The following BCAM variants were observed in gnomAD, a reference collection of about 807,000 sequenced individuals.
The protein encoded by BCAM is basal cell adhesion molecule.
BCAM carries 61 observed loss-of-function variants against 72.4 expected under a neutral mutation model. The ratio of observed to expected loss-of-function variants is 0.84; its 90% CI spans 0.69 to 1.04. The LOEUF is 1.04. Ranked by LOEUF, BCAM falls within the 50% of genes least tolerant of loss-of-function variation. BCAM has a pLI of 0.00. For synonymous variants in BCAM, 408 were observed against 384.2 expected, an observed-to-expected ratio of 1.06 and a Z score of -0.73; for missense variants, 909 against 895.0, an observed-to-expected ratio of 1.02 and a Z score of -0.20.
At position 44,819,368 on chromosome 19, in the gene BCAM, G is replaced by C. The variant is rs772377922; in HGVS notation, c.1496G>C (p.Arg499Pro). The change falls in exon 12 of 15, where the codon CGG (arginine) becomes CCG (proline). Residue 499 changes from arginine to proline, a missense_variant. Arg to Pro is a moderately radical substitution (Grantham distance 103). Coordinates refer to ENST00000270233, the MANE Select transcript of BCAM (RefSeq NM_005581.5). ...TAGCCCGCAGAGCCAATCCCCGGAC[G>C]GCAGGGTTGGGTGAGCAGCTCTCTG... The part of the protein sequence containing the change: ...GGSPAEPIPG[R>P]QGWVSSSLTL... 1 of 1,614,046 alleles carries C rather than the reference G, an allele frequency of 6.2e-7. No homozygotes were observed. Among genetic ancestry groups the C allele is most frequent in the Non-Finnish European group, 8.5e-7 (1 of 1,179,952 alleles).
Position 44,818,676 on chromosome 19 carries a change from AC to A in BCAM, c.1194+42del, listed in dbSNP as rs748757091. 6.2e-7 allele frequency: 1 copy of A among 1,608,990 alleles called. No individual in the cohort carries two copies. Among genetic ancestry groups the A allele is most frequent in the African/African-American group, 1.3e-5 (1 of 74,074 alleles). On this transcript the variant is annotated intron_variant, in intron 9 of 14. Transcript: ENST00000270233. This position sits in a 1 kb window ranked among gnomAD's most constrained non-coding sequence, Gnocchi z 4.6. ...GAGCCCCCTCGGGCCCTGCACTCGC[AC>A]CCTCCTCTCTCCCCTCACTCCTCGC...
chr19:44,819,922 ACTCATCCTCATCCC>A (rs1258494336), intron 13 of BCAM, 196 bp downstream of exon 13: 9 of 324,924 alleles, frequency 2.8e-5, no homozygotes, highest in African/African-American at 4.0e-4. Context: ...GCCATCCCCA[ACTCATCCTCATCCC>A]CAACTGCAGC....
chr19:44,811,078 G>A, intron 1 of BCAM, 147 bp from the exon 2 acceptor site: 1 of 1,186,546 alleles, frequency 8.4e-7, no homozygotes, highest in Non-Finnish European at 1.2e-6. Flanking sequence ...TCCTGGGTCT[G>A]AGGGAGGAGG....
chr19:44,819,511 C>T, intron 12 of BCAM, 21 bp downstream of exon 12: 11 of 1,613,766 alleles, frequency 6.8e-6, no homozygotes, highest in Non-Finnish European at 9.3e-6. Flanking sequence ...GAGGTGGTGG[C>T]AGAGGAGCCG....
At position 44,820,776 on chromosome 19, in the gene BCAM, G is replaced by C. The variant is rs1216844322; in HGVS notation, c.1835G>C (p.Gly612Ala). ...GAGCAGACCGGCCTTCTCATGGGAG[G>C]TGCCTCCGGAGGAGCCAGGGGTGGC... ...QPEQTGLLMG[G>A]ASGGARGGSG... Residue 612 changes from glycine (G) to alanine (A), a missense_variant, in exon 14 of 15, where the codon GGT becomes GCT. Coordinates refer to ENST00000270233, the MANE Select transcript of BCAM (RefSeq NM_005581.5). 8 of 1,505,366 alleles carry C rather than the reference G, an allele frequency of 5.3e-6. No individual in the cohort carries two copies. The highest frequency in any genetic ancestry group is 7.1e-6 in the Non-Finnish European group (8 of 1,122,478). 93.3% of individuals were successfully genotyped at this position (1,505,366 alleles called of 1,614,324 possible). A position where few individuals can be genotyped will look rare whatever the true frequency, so the allele number is the denominator to read the frequency against.
chr19:44,821,069 A>T lies in BCAM; in HGVS notation c.*148A>T. 1 of 855,872 alleles carries T rather than the reference A, an allele frequency of 1.2e-6. No individual in the cohort carries two copies. The highest frequency in any genetic ancestry group is 1.5e-6 in the Non-Finnish European group (1 of 674,320). The allele number at this position is 855,872 out of a possible 1,614,324, so 53.0% of individuals were successfully genotyped here. On this transcript the variant is annotated 3_prime_UTR_variant, in exon 15 of 15. Transcript: ENST00000270233. ...CCCTTCCTTCCTCTGCCGGCAAGGC[A>T]GGGACCCACAGTGGCTGCCTGCCTC...
chr19:44,814,354 T>A lies in BCAM; in HGVS notation c.921+66T>A. 1 of 1,535,806 alleles carries A rather than the reference T, an allele frequency of 6.5e-7. No individual in the cohort carries two copies. The highest frequency in any genetic ancestry group is 8.7e-7 in the Non-Finnish European group (1 of 1,150,548). On this transcript the variant is annotated intron_variant, in intron 7 of 14. Coordinates refer to ENST00000270233, the MANE Select transcript of BCAM (RefSeq NM_005581.5). This position sits in a 1 kb window ranked among gnomAD's most constrained non-coding sequence, Gnocchi z 4.6. ...CCCTGACCTCTGTGACCTGCTAACC[T>A]GCATAACTTCTAATGTGGGACCTGG...
rs376176106 is a variant in BCAM, at chr19:44,819,701, C to T, written c.1738C>T (p.Arg580Cys). ...CVRRKGGPCCRQRREKGAPPP... is the reference protein window; with the variant it reads ...CVRRKGGPCCCQRREKGAPPP... ...GAGACGCAAAGGGGGCCCCTGCTGC[C>T]GCCAGCGGCGGGAGAAGGGGGCTCC... The change falls in exon 13 of 15, where the codon CGC (arginine) becomes TGC (cysteine). Residue 580 changes from arginine (R) to cysteine (C), a missense_variant. Physicochemically the swap from Arg to Cys is radical, Grantham distance 180. Coordinates refer to ENST00000270233, the MANE Select transcript of BCAM (RefSeq NM_005581.5). The T allele has an allele frequency of 1.5e-5, 24 of 1,609,576 alleles. No individual in the cohort carries two copies. The highest frequency in any genetic ancestry group is 1.8e-5 in the Non-Finnish European group (21 of 1,178,004).
chr19:44,812,259 CCATA>C lies in BCAM; in HGVS notation c.303_306del (p.Tyr102SerfsTer25). The C allele has an allele frequency of 1.2e-6, 2 of 1,610,262 alleles. No individual in the cohort carries two copies. Among genetic ancestry groups the C allele is most frequent in the Non-Finnish European group, 1.7e-6 (2 of 1,178,094 alleles). On this transcript the variant is annotated frameshift_variant, in exon 3 of 15. Coordinates refer to ENST00000270233, the MANE Select transcript of BCAM (RefSeq NM_005581.5). LOFTEE classifies it high-confidence loss of function. The surrounding 1 kb of genome is among the most constrained non-coding windows in gnomAD (Gnocchi z 5.3). ...GCACGACACCCGGGGCCGCAGTCCC[CCATA>C]CCAGCTGGACTCCCAGGGGCGCCTG...
rs377263399 is a variant in BCAM at position 44,815,334 on chromosome 19, T to C, written c.1078+574T>C. Among the ~76,000 whole-genome samples the C allele has an allele frequency of 2.8e-4, 43 of 152,284 alleles. No individual in the cohort carries two copies. The South Asian group carries it at 3.7e-3, about 13-fold the overall frequency. ...TTTCAGTTCATTCGCATCCAGGCCC[T>C]GGGGAAAGGCTGTATTCTCCCTTGG... On this transcript the variant is annotated intron_variant, in intron 8 of 14. Coordinates refer to ENST00000270233, the MANE Select transcript of BCAM (RefSeq NM_005581.5).
intron 1 of BCAM, 102 bp from the exon 2 acceptor site, chr19:44,811,123 G>A (rs1968413025): frequency 3.2e-6 from 5 of 1,564,606 alleles, no homozygotes; most frequent in African/African-American, 2.7e-5. Flanking sequence ...TGAGGGAGGA[G>A]GGGCTGGGAC....
chr19:44,820,059 C>A (rs1968563686), intron 13 of BCAM: 1 of 1,203,622 alleles, frequency 8.3e-7, no homozygotes. Context: ...CAACTCCATG[C>A]CTGTCTCCAA....
chr19:44,820,930 C>A lies in BCAM; in HGVS notation c.*9C>A. On this transcript the variant is annotated 3_prime_UTR_variant, in exon 15 of 15. Coordinates refer to ENST00000270233, the MANE Select transcript of BCAM (RefSeq NM_005581.5). ...CCGCTCCCCAGTGCTGAGCCAAGAA[C>A]CTCCTAGAGGCTGTCCCTGGACCTG... is the stretch of plus-strand genomic sequence containing the variant. 6.4e-7 allele frequency: 1 copy of A among 1,561,308 alleles called. No individual in the cohort carries two copies. The highest frequency in any genetic ancestry group is 1.4e-5 in the African/African-American group (1 of 73,360).
At chr19:44,819,791 C>G in intron 13 of BCAM, 65 bp downstream of exon 13, 1 of 1,494,132 alleles carries the variant, frequency 6.7e-7, no homozygotes, top group Non-Finnish European at 8.9e-7. Flanking sequence ...CAACCCCAAG[C>G]TCAACCCATA....
Position 44,812,866 on chromosome 19 carries a change from C to G in BCAM, c.504+318C>G. ...TCGGGAGGCTGAGACAGGAGAATCA[C>G]TCGAACCCAGAAGGCAGAGGCTACA... On this transcript the variant is annotated intron_variant, in intron 4 of 14. Transcript: ENST00000270233. This position sits in a 1 kb window ranked among gnomAD's most constrained non-coding sequence, Gnocchi z 5.3. 2 of 430,624 alleles carry G rather than the reference C, an allele frequency of 4.6e-6. No individual in the cohort carries two copies. Among genetic ancestry groups the G allele is most frequent in the Non-Finnish European group, 4.2e-6 (1 of 239,962 alleles). The allele number at this position is 430,624 out of a possible 1,614,324, so 26.7% of individuals were successfully genotyped here. A position where few individuals can be genotyped will look rare whatever the true frequency, so the allele number is the denominator to read the frequency against.
Position 44,821,027 on chromosome 19 carries a change from T to A in BCAM, c.*106T>A. On this transcript the variant is annotated 3_prime_UTR_variant, in exon 15 of 15. Coordinates refer to ENST00000270233, the MANE Select transcript of BCAM (RefSeq NM_005581.5). ...CCCGCCTTCCCTCTTCCCTCTTCCC[T>A]CTCCCTGCCCAGCCCTCCCTTCCTT... 7.6e-7 allele frequency: 1 copy of A among 1,320,140 alleles called. No individual in the cohort carries two copies. The highest frequency in any genetic ancestry group is 9.9e-7 in the Non-Finnish European group (1 of 1,014,152). 81.8% of individuals were successfully genotyped at this position (1,320,140 alleles called of 1,614,324 possible).
chr19:44,817,078 A>T (rs1968512019), intron 8 of BCAM, among the ~76,000 whole-genome samples: 1 of 152,054 alleles, frequency 6.6e-6, no homozygotes, highest in Non-Finnish European at 1.5e-5. Flanking sequence ...TCTACTAAAA[A>T]TACAAAAAAT....
chr19:44,820,293 C>A, intron 13 of BCAM: 1 of 1,020,434 alleles, frequency 9.8e-7, no homozygotes, highest in Non-Finnish European at 1.2e-6. Context: ...TAGTCCTCCA[C>A]CGTCCCGAAG....
rs1055715149 is a variant in BCAM at position 44,821,005 on chromosome 19, G to A, written c.*84G>A. The stretch of plus-strand genomic sequence containing the variant: ...CCCTGCTCACGCCATGCCCGCCCCC[G>A]CCTTCCCTCTTCCCTCTTCCCTCTC... On this transcript the variant is annotated 3_prime_UTR_variant, in exon 15 of 15. Transcript: ENST00000270233. 1.9e-5 allele frequency: 27 copies of A among 1,414,654 alleles called. No individual in the cohort carries two copies. Among genetic ancestry groups the A allele is most frequent in the Admixed American group, 1.1e-4 (4 of 36,258 alleles). 87.6% of individuals were successfully genotyped at this position (1,414,654 alleles called of 1,614,324 possible). A position where few individuals can be genotyped will look rare whatever the true frequency, so the allele number is the denominator to read the frequency against.
Sources: gnomAD v4.1 joint callset for allele counts (sites outside exome capture counted in the v4.1 genomes callset) on GRCh38, gnomAD v4.1.1 for gene constraint, Gnocchi (gnomAD v3.1) non-coding constraint, MANE v1.5 for transcripts, NCBI Gene and HGNC (gene_info 2026-07-23, HGNC 2026-07-21) for gene names.